DGKQ: variants seen among roughly 807,000 people sequenced by gnomAD.
DGKQ encodes diacylglycerol kinase theta.
Under a neutral mutation model 104.2 loss-of-function variants are expected in DGKQ, and 97 were observed. The ratio of observed to expected loss-of-function variants is 0.93; its 90% confidence interval spans 0.79 to 1.10. The LOEUF (loss-of-function observed/expected upper bound fraction) is 1.10. DGKQ is among the 50% of genes least tolerant of loss of function. The pLI is 0.00. For synonymous variants in DGKQ, 736 were observed against 595.2 expected (o/e 1.24, Z -3.44); for missense variants, 1,465 against 1,352.1 (o/e 1.08, Z -1.31).
In DGKQ at chr4:965,945, T is replaced by C. The variant is rs775493690; in HGVS notation, c.1562A>G (p.Glu521Gly). 7 of 1,604,502 alleles carry C rather than the reference T, an allele frequency of 4.4e-6. 1 individual carries two copies. The South Asian group carries it at 7.8e-5, about 18-fold the overall frequency. ...SPEEYSSLLH[E>G]AGATKATVVS... ...GGTCACACCTTTGGTAGCCCCGGCC[T>C]CATGCAGCAGGCTGCTGTACTCCTC... The change falls in exon 13 of 23, where the codon GAG becomes GGG. Residue 521 changes from glutamate (E) to glycine (G), a missense_variant. Transcript: ENST00000273814.
In DGKQ at chr4:967,068, G is replaced by C; in HGVS notation, c.1221-14C>G. On this transcript the variant is annotated splice_polypyrimidine_tract_variant and intron_variant, in intron 9 of 22. Transcript: ENST00000273814. ...GCCACGCCCACCCTGTGGGGACACA[G>C]TCTGAGCTGGAGCTCCCCCCACCCC... 6.5e-7 allele frequency: 1 copy of C among 1,547,806 alleles called. No individual in the cohort carries two copies. The highest frequency in any genetic ancestry group is 8.7e-7 in the Non-Finnish European group (1 of 1,144,822).
At chr4:964,969 G>A (rs1016401904) in intron 15 of DGKQ, among the ~76,000 whole-genome samples, 6 of 152,124 alleles carry the variant, frequency 3.9e-5, no homozygotes, top group African/African-American at 1.4e-4. Context: ...CTGACCTCAG[G>A]CCCCTTGCTG....
chr4:967,767 C>G lies in DGKQ; in HGVS notation c.847G>C (p.Val283Leu), dbSNP rs973933278. 6.2e-7 allele frequency: 1 copy of G among 1,608,638 alleles called. No homozygotes were observed. The highest frequency in any genetic ancestry group is 8.5e-7 in the Non-Finnish European group (1 of 1,178,048). ...GGDGADGSAA[V>L]GPGRETQATP... ...GCCTGTGTCTCTCTGCCTGGACCCA[C>G]GGCAGCGCTCCCGTCGGCGCCGTCG... The change falls in exon 7 of 23, where the codon GTG (valine) becomes CTG (leucine). Residue 283 changes from valine (V) to leucine (L), a missense_variant. Val to Leu is a conservative substitution (Grantham distance 32). Coordinates refer to ENST00000273814, the MANE Select transcript of DGKQ (RefSeq NM_001347.4).
rs1158038837 is a variant in DGKQ at position 971,253 on chromosome 4, CCAGGAGCA to C, written c.272-189_272-182del. ...TGGAGAGAGCCTGCAGCCCAGGAGC[CCAGGAGCA>C]AGAACCTGGGTGGTCCTGACCATCC... On this transcript the variant is annotated intron_variant, in intron 1 of 22. Coordinates refer to ENST00000273814, the MANE Select transcript of DGKQ (RefSeq NM_001347.4). The surrounding 1 kb of genome is among the most constrained non-coding windows in gnomAD (Gnocchi z 4.0). 6.6e-5 allele frequency among the ~76,000 whole-genome samples: 10 copies of C among 152,176 alleles called. No homozygotes were observed. The highest frequency in any genetic ancestry group is 1.5e-4 in the Non-Finnish European group (10 of 68,034).
At chr4:970,836 G>A (rs1045288531) in intron 2 of DGKQ, among the ~76,000 whole-genome samples, 157 bp downstream of exon 2, 4 of 152,184 alleles carry the variant, frequency 2.6e-5, no homozygotes, top group Non-Finnish European at 5.9e-5. Flanking sequence ...GATCCATGCA[G>A]GGTGCTCAGC....
chr4:968,988 G>A (rs1293640774), intron 2 of DGKQ, 78 bp from the exon 3 acceptor site: 33 of 928,396 alleles, frequency 3.6e-5, no homozygotes, highest in South Asian at 5.2e-5. Flanking sequence ...CTTCACCTGC[G>A]CAACTCTGCA....
Position 963,231 on chromosome 4 carries a change from T to C in DGKQ, c.1794A>G (p.Gly598=). 2 of 1,611,554 alleles carry C rather than the reference T, an allele frequency of 1.2e-6. No individual in the cohort carries two copies. Among genetic ancestry groups the C allele is most frequent in the Non-Finnish European group, 8.5e-7 (1 of 1,178,894 alleles). Residue 598 remains glycine, a synonymous_variant, in exon 16 of 23, where the codon GGA becomes GGG. Transcript: ENST00000273814. ...PLLVFVNPKS[G]GLKGRDLLCS... ...AGAGCAGGTCTCGGCCCTTGAGGCC[T>C]CCACTCTTGGGGTTCACGAACACAA...
At position 970,027 on chromosome 4, in the gene DGKQ, G is replaced by A. The variant is rs571876716; in HGVS notation, c.351+966C>T. Among the ~76,000 whole-genome samples the A allele has an allele frequency of 1.8e-4, 27 of 152,380 alleles. 1 individual carries two copies. In the South Asian group the frequency reaches 5.0e-3, roughly 28 times the overall value. On this transcript the variant is annotated intron_variant, in intron 2 of 22. Coordinates refer to ENST00000273814, the MANE Select transcript of DGKQ (RefSeq NM_001347.4). ...ATCAATTTTAAAAAGCGGCAGCCTC[G>A]GGCCGTCCACATGACGAGGGGCCGC...
chr4:962,362 C>T (rs1040981471), intron 18 of DGKQ, 73 bp downstream of exon 18: 7 of 1,416,522 alleles, frequency 4.9e-6, no homozygotes, highest in Non-Finnish European at 6.6e-6. Context: ...GGGAAGAGGA[C>T]GCCCGTTGTG....
In DGKQ at chr4:967,116, G is replaced by T; in HGVS notation, c.1220+13C>A. 1 of 1,568,118 alleles carries T rather than the reference G, an allele frequency of 6.4e-7. No individual in the cohort carries two copies. Among genetic ancestry groups the T allele is most frequent in the African/African-American group, 1.4e-5 (1 of 73,978 alleles). ...CCCGCCCAGCAGACCCTGAGCCTCGGGCCCAGTCTCACTTGAGCCAGCCAG... is the reference window on the plus strand; with the variant it reads ...CCCGCCCAGCAGACCCTGAGCCTCGTGCCCAGTCTCACTTGAGCCAGCCAG... On this transcript the variant is annotated intron_variant, in intron 9 of 22. Coordinates refer to ENST00000273814, the MANE Select transcript of DGKQ (RefSeq NM_001347.4).
chr4:963,378 C>T, intron 15 of DGKQ, 88 bp from the exon 16 acceptor site: 1 of 1,267,116 alleles, frequency 7.9e-7, no homozygotes, highest in Non-Finnish European at 1.1e-6. Context: ...AGCCCCCAAC[C>T]CTGAGCCCAC....
At chr4:961,329 G>C in intron 21 of DGKQ, 128 bp from the exon 22 acceptor site, 1 of 1,260,380 alleles carries the variant, frequency 7.9e-7, no homozygotes, top group Non-Finnish European at 1.1e-6. Flanking sequence ...CCCTGGGGCG[G>C]GAGAGGCCAG....
chr4:967,856 C>G, intron 6 of DGKQ, 24 bp downstream of exon 6: 2 of 1,484,490 alleles, frequency 1.3e-6, no homozygotes, highest in Non-Finnish European at 1.8e-6. Flanking sequence ...CAGCCCAGGG[C>G]GCCCCGGCCG....
In DGKQ at chr4:966,457, C is replaced by T. The variant is rs749078824; in HGVS notation, c.1428+9G>A. ...GGTTCCCTGGGGGCCGGCGTCCACACCCACTCACCTGCCGGATGTCCTGTA... is the reference window on the plus strand; with the variant it reads ...GGTTCCCTGGGGGCCGGCGTCCACATCCACTCACCTGCCGGATGTCCTGTA... On this transcript the variant is annotated intron_variant, in intron 12 of 22. Coordinates refer to ENST00000273814, the MANE Select transcript of DGKQ (RefSeq NM_001347.4). 3 of 1,612,086 alleles carry T rather than the reference C, an allele frequency of 1.9e-6. No homozygotes were observed. Among genetic ancestry groups the T allele is most frequent in the African/African-American group, 2.7e-5 (2 of 74,930 alleles).
At chr4:970,856 C>T in intron 2 of DGKQ, 137 bp downstream of exon 2, 2 of 633,880 alleles carry the variant, frequency 3.2e-6, no homozygotes, top group Non-Finnish European at 5.5e-6. Context: ...CCTTTTAATC[C>T]CGAGCAGTAT....
Position 968,364 on chromosome 4 carries a change from C to T in DGKQ, c.581G>A (p.Gly194Glu). Residue 194 changes from glycine to glutamate, a missense_variant, in exon 5 of 23, where the codon GGA (glycine) becomes GAA (glutamate). Transcript: ENST00000273814. ...CTTCCTGCAGACCTCGCAGCGCGCT[C>T]CCGAGGGCAGGTTCCCCTCCCGCCA... ...HHWREGNLPS[G>E]ARCEVCRKTC... The T allele has an allele frequency of 1.3e-6, 2 of 1,537,384 alleles. No homozygotes were observed. Among genetic ancestry groups the T allele is most frequent in the Non-Finnish European group, 1.7e-6 (2 of 1,144,740 alleles).
chr4:965,340 C>G (rs532316024), intron 14 of DGKQ, 49 bp from the exon 15 acceptor site: 1 of 1,580,558 alleles, frequency 6.3e-7, no homozygotes, highest in Admixed American at 1.7e-5. Flanking sequence ...ATGGCCCCCA[C>G]GGTGCCAGGG....
chr4:966,202 C>A, intron 12 of DGKQ, 124 bp from the exon 13 acceptor site: 1 of 1,113,362 alleles, frequency 9.0e-7, no homozygotes, highest in Non-Finnish European at 1.3e-6. Flanking sequence ...ATTAAGTCAA[C>A]AGGAAAACGA....
chr4:967,777 CCCGTCGGCG>C lies in DGKQ; in HGVS notation c.828_836del (p.Ala277_Gly279del). On this transcript the variant is annotated inframe_deletion, in exon 7 of 23. Coordinates refer to ENST00000273814, the MANE Select transcript of DGKQ (RefSeq NM_001347.4). Reference sequence around the variant, plus strand: ...CTCTGCCTGGACCCACGGCAGCGCTCCCGTCGGCGCCGTCGCCCCCCTCGCCTGCGGGTC... The same window carrying C: ...CTCTGCCTGGACCCACGGCAGCGCTCCCGTCGCCCCCCTCGCCTGCGGGTC... 6.2e-7 allele frequency: 1 copy of C among 1,606,296 alleles called. No homozygotes were observed. The highest frequency in any genetic ancestry group is 8.5e-7 in the Non-Finnish European group (1 of 1,177,034).
Sources: gnomAD v4.1 joint callset for allele counts (sites outside exome capture counted in the v4.1 genomes callset) on GRCh38, gnomAD v4.1.1 for gene constraint, Gnocchi (gnomAD v3.1) non-coding constraint, MANE v1.5 for transcripts, NCBI Gene and HGNC (gene_info 2026-07-23, HGNC 2026-07-21) for gene names.